Variants in RPRD2 observed in about 807,000 individuals in gnomAD.
RPRD2 encodes regulation of nuclear pre-mRNA domain containing 2.
In RPRD2, 12 loss-of-function variants were observed where a neutral mutation model predicts 104.4. The observed-to-expected ratio is 0.11, with a 90% CI of 0.07 to 0.19. RPRD2 has a LOEUF of 0.19. RPRD2 is among the 10% of genes least tolerant of loss of function. The pLI is 1.00. For missense variants in RPRD2, 1,543 were observed against 1,790.1 expected (o/e 0.86, Z 2.49); for synonymous variants, 714 against 684.9 (o/e 1.04, Z -0.66).
intron 1 of RPRD2, among the ~76,000 whole-genome samples, chr1:150,415,188 G>A (rs1553888342): frequency 6.6e-6 from 1 of 151,988 alleles, no homozygotes; most frequent in African/African-American, 2.4e-5. Flanking sequence ...AAAATTAGCT[G>A]GGCTTGGTGG....
chr1:150,456,292 G>A (rs1667518876), intron 7 of RPRD2, among the ~76,000 whole-genome samples: 1 of 152,028 alleles, frequency 6.6e-6, no homozygotes, highest in Admixed American at 6.6e-5. Context: ...ATAAACAGGA[G>A]CAAGGGAATA....
chr1:150,420,450 C>T (rs1353466462), intron 2 of RPRD2, among the ~76,000 whole-genome samples: 3 of 152,174 alleles, frequency 2.0e-5, no homozygotes, highest in Non-Finnish European at 4.4e-5. Flanking sequence ...AATGATGAAA[C>T]AAAGCATTCC....
Position 150,457,924 on chromosome 1 carries a change from A to C in RPRD2, c.1153+354A>C, listed in dbSNP as rs587634149. Among the ~76,000 whole-genome samples, 6 of 152,192 alleles carry C rather than the reference A, an allele frequency of 3.9e-5. No individual in the cohort carries two copies. The South Asian group carries it at 8.3e-4, about 21-fold the overall frequency. On this transcript the variant is annotated intron_variant, in intron 8 of 10. Coordinates refer to ENST00000369068, the MANE Select transcript of RPRD2 (RefSeq NM_015203.5). ...TGTCTCTACTAAAAATACAAAACTT[A>C]TCCGGGTATGGTGGCAGGTACCTGT...
At chr1:150,366,451 G>A (rs587757837) in intron 1 of RPRD2, among the ~76,000 whole-genome samples, 2 of 152,290 alleles carry the variant, frequency 1.3e-5, no homozygotes, top group East Asian at 1.9e-4. Flanking sequence ...ACCAATAACC[G>A]ATCAAAGAGT....
chr1:150,409,324 A>G (rs1663726082), intron 1 of RPRD2, among the ~76,000 whole-genome samples: 1 of 152,148 alleles, frequency 6.6e-6, no homozygotes, highest in African/African-American at 2.4e-5. Flanking sequence ...GCATTTACAG[A>G]GAAGTCTTAG....
At position 150,475,906 on chromosome 1, in the gene RPRD2, C is replaced by T. The variant is rs760747895; in HGVS notation, c.*2572C>T. The T allele has an allele frequency of 1.3e-5, 2 of 152,040 alleles. No homozygotes were observed. The highest frequency in any genetic ancestry group is 2.9e-5 in the Non-Finnish European group (2 of 68,022). 9.4% of individuals were successfully genotyped at this position (152,040 alleles called of 1,614,324 possible). ...GAAAGCATAACATAGTGTGTCTTAG[C>T]AAGGACATGATTCATATGGAAGCAG... On this transcript the variant is annotated 3_prime_UTR_variant, in exon 11 of 11. Coordinates refer to ENST00000369068, the MANE Select transcript of RPRD2 (RefSeq NM_015203.5).
intron 9 of RPRD2, among the ~76,000 whole-genome samples, chr1:150,462,992 A>T (rs2102419702): frequency 6.6e-6 from 1 of 152,252 alleles, no homozygotes; most frequent in South Asian, 2.1e-4. Context: ...GGCTGAGATC[A>T]CACGTGTGCA....
chr1:150,460,393 GGGT>G, intron 9 of RPRD2, 76 bp downstream of exon 9: 1 of 1,351,456 alleles, frequency 7.4e-7, no homozygotes, highest in Non-Finnish European at 1.0e-6. Context: ...GTTTTTGGGG[GGGT>G]TGTTGTTGTT....
chr1:150,471,797 C>T lies in RPRD2; in HGVS notation c.2849C>T (p.Ser950Phe). Residue 950 changes from serine to phenylalanine, a missense_variant, in exon 11 of 11, where the codon TCT becomes TTT. Coordinates refer to ENST00000369068, the MANE Select transcript of RPRD2 (RefSeq NM_015203.5). This position sits in a 1 kb window ranked among gnomAD's most constrained non-coding sequence, Gnocchi z 5.3. ...PDSNHNSLSQ[S>F]TTGHLSLPQK... is the part of the protein sequence containing the mutation. ...TCCAACCACAATAGCTTGTCTCAAT[C>T]TACCACTGGGCATCTCAGTTTGCCA... 1 of 1,613,954 alleles carries T rather than the reference C, an allele frequency of 6.2e-7. No individual in the cohort carries two copies. The highest frequency in any genetic ancestry group is 8.5e-7 in the Non-Finnish European group (1 of 1,179,898).
chr1:150,427,502 AT>A (rs1665231795), intron 2 of RPRD2, among the ~76,000 whole-genome samples: 1 of 151,700 alleles, frequency 6.6e-6, no homozygotes, highest in Non-Finnish European at 1.5e-5. Context: ...AGAAAAGAAA[AT>A]GTTAAGGTAA....
rs1261086716 is a variant in RPRD2 at position 150,471,039 on chromosome 1, C to T, written c.2091C>T (p.Ser697=). Residue 697 remains serine (S), a synonymous_variant, in exon 11 of 11, where the codon TCC becomes TCT. Coordinates refer to ENST00000369068, the MANE Select transcript of RPRD2 (RefSeq NM_015203.5). This position sits in a 1 kb window ranked among gnomAD's most constrained non-coding sequence, Gnocchi z 5.3. The part of the protein sequence containing the change: ...LNIPILSSLG[S]SAPSESHPSD... ...TCCCAATCCTGAGCAGTTTGGGGTC[C>T]AGCGCCCCATCAGAGAGCCATCCCT... The T allele has an allele frequency of 6.2e-7, 1 of 1,613,844 alleles. No homozygotes were observed. The highest frequency in any genetic ancestry group is 2.2e-5 in the East Asian group (1 of 44,892).
intron 1 of RPRD2, among the ~76,000 whole-genome samples, chr1:150,368,144 T>C (rs1007495822): frequency 6.6e-6 from 1 of 151,730 alleles, no homozygotes; most frequent in Non-Finnish European, 1.5e-5. Context: ...CTTCTCATTG[T>C]TTAGATCAAA....
Position 150,473,556 on chromosome 1 carries a change from TAAAA to T in RPRD2, c.*242_*245del, listed in dbSNP as rs61486244. 95 of 98,354 alleles carry T rather than the reference TAAAA, an allele frequency of 9.7e-4. No individual in the cohort carries two copies. The highest frequency in any genetic ancestry group is 5.5e-3 in the Middle Eastern group (1 of 182). The allele number at this position is 98,354 out of a possible 1,614,324, so 6.1% of individuals were successfully genotyped here. A position where few individuals can be genotyped will look rare whatever the true frequency, so the allele number is the denominator to read the frequency against. ...TCTACCTTCCCCAAGTTGTTTGTAT[TAAAA>T]AAAAAAAAAAAAAAAAAAAGTAAAG... On this transcript the variant is annotated 3_prime_UTR_variant, in exon 11 of 11. Transcript: ENST00000369068.
intron 2 of RPRD2, among the ~76,000 whole-genome samples, chr1:150,421,233 A>G (rs1209551329): frequency 6.6e-6 from 1 of 152,228 alleles, no homozygotes; most frequent in African/African-American, 2.4e-5. Context: ...GCAGCAACTT[A>G]TTTTAAACTG....
At chr1:150,408,571 A>T (rs587769913) in intron 1 of RPRD2, among the ~76,000 whole-genome samples, 1 of 152,262 alleles carries the variant, frequency 6.6e-6, no homozygotes, top group South Asian at 2.1e-4. Context: ...ACAGACATGT[A>T]CTTATCATCC....
At chr1:150,437,404 A>G (rs767694353) in intron 2 of RPRD2, among the ~76,000 whole-genome samples, 9 of 152,148 alleles carry the variant, frequency 5.9e-5, no homozygotes, top group Non-Finnish European at 1.3e-4. Context: ...AGTCATCATC[A>G]AGGCAAGACC....
rs1329312690 is a variant in RPRD2 at position 150,411,723 on chromosome 1, G to A, written c.206-5873G>A. Among the ~76,000 whole-genome samples the A allele has an allele frequency of 1.4e-4, 18 of 132,946 alleles. 1 individual carries two copies. The highest frequency in any genetic ancestry group is 2.4e-4 in the Non-Finnish European group (15 of 62,698). 87.2% of individuals were successfully genotyped at this position (132,946 alleles called of 152,430 possible). A position where few individuals can be genotyped will look rare whatever the true frequency, so the allele number is the denominator to read the frequency against. ...AGAGAATTGCTTGAACCTGGGAGGC[G>A]GAGGTTGCAGTGAGCCAAGATCGCG... On this transcript the variant is annotated intron_variant, in intron 1 of 10. Coordinates refer to ENST00000369068, the MANE Select transcript of RPRD2 (RefSeq NM_015203.5).
At chr1:150,375,880 G>C (rs1421405287) in intron 1 of RPRD2, among the ~76,000 whole-genome samples, 1 of 152,172 alleles carries the variant, frequency 6.6e-6, no homozygotes, top group African/African-American at 2.4e-5. Flanking sequence ...TTACAAACCA[G>C]CTTGACTGAC....
chr1:150,459,145 T>C (rs1396520387), intron 8 of RPRD2, among the ~76,000 whole-genome samples: 2 of 152,246 alleles, frequency 1.3e-5, no homozygotes, highest in Non-Finnish European at 2.9e-5. Context: ...TAACCTGATT[T>C]GGTGAATTGT....
Sources: gnomAD v4.1 joint callset for allele counts (sites outside exome capture counted in the v4.1 genomes callset) on GRCh38, gnomAD v4.1.1 for gene constraint, Gnocchi (gnomAD v3.1) non-coding constraint, MANE v1.5 for transcripts, NCBI Gene and HGNC (gene_info 2026-07-23, HGNC 2026-07-21) for gene names.